The following AFF1 variants were observed in gnomAD, a reference collection of about 807,000 sequenced individuals.
AFF1 encodes ALF transcription elongation factor 1.
Under a neutral mutation model 121.7 loss-of-function variants are expected in AFF1, and 48 were observed. That is an observed-to-expected ratio of 0.39 (90% CI 0.31 to 0.50). The LOEUF is 0.50. AFF1 is among the 20% of genes least tolerant of loss of function. The pLI is 0.76. For missense variants in AFF1, 1,523 were observed against 1,511.7 expected (o/e 1.01, Z -0.12); for synonymous variants, 613 against 563.0 (o/e 1.09, Z -1.26).
intron 2 of AFF1, among the ~76,000 whole-genome samples, chr4:87,037,658 A>G (rs539875909): frequency 2.4e-4 from 37 of 152,050 alleles, no homozygotes; most frequent in Non-Finnish European, 4.0e-4. Context: ...GACCTTTGCT[A>G]CATATTAATA....
chr4:87,023,027 C>T (rs766962928), intron 2 of AFF1, among the ~76,000 whole-genome samples: 1 of 151,610 alleles, frequency 6.6e-6, no homozygotes, highest in African/African-American at 2.4e-5. Flanking sequence ...CTCACCCTCC[C>T]GAGTAGCTGG....
chr4:87,016,559 A>T (rs2149548456), intron 2 of AFF1, among the ~76,000 whole-genome samples: 1 of 152,224 alleles, frequency 6.6e-6, no homozygotes, highest in East Asian at 1.9e-4. Context: ...CTCAAAAAAA[A>T]AAAAAAAGTG....
intron 4 of AFF1, among the ~76,000 whole-genome samples, chr4:87,052,624 CT>C (rs1004123230): frequency 5.3e-4 from 77 of 145,878 alleles, no homozygotes; most frequent in South Asian, 2.4e-3. Flanking sequence ...GACATATCTA[CT>C]TTTTTTTTTT....
chr4:87,135,896 G>A lies in AFF1; in HGVS notation c.*195G>A. On this transcript the variant is annotated 3_prime_UTR_variant, in exon 21 of 21. Coordinates refer to ENST00000395146, the MANE Select transcript of AFF1 (RefSeq NM_001166693.3). ...TGGACACTGTGGTTATGCAGAAGCA[G>A]AGATGAGGAGGCTGGCCCCAGAGAT... The A allele has an allele frequency of 1.2e-6, 1 of 853,974 alleles. No homozygotes were observed. Among genetic ancestry groups the A allele is most frequent in the Non-Finnish European group, 1.6e-6 (1 of 615,066 alleles). The allele number at this position is 853,974 out of a possible 1,614,324, so 52.9% of individuals were successfully genotyped here.
chr4:87,077,959 A>G (rs901079279), intron 4 of AFF1, among the ~76,000 whole-genome samples: 6 of 152,182 alleles, frequency 3.9e-5, no homozygotes, highest in Non-Finnish European at 8.8e-5. Context: ...AACTTTGTAC[A>G]TATTTTTTTT....
At chr4:86,966,976 A>G (rs1578863021) in intron 2 of AFF1, among the ~76,000 whole-genome samples, 1 of 152,066 alleles carries the variant, frequency 6.6e-6, no homozygotes, top group South Asian at 2.1e-4. Flanking sequence ...CCTTCTACCA[A>G]CCTTGGTGCC....
chr4:86,994,307 C>A (rs1389472066), intron 2 of AFF1, among the ~76,000 whole-genome samples: 1 of 152,222 alleles, frequency 6.6e-6, no homozygotes, highest in Non-Finnish European at 1.5e-5. Context: ...TCCAGGAAGG[C>A]CCAGAGCGGA....
In AFF1 at chr4:86,985,207, AT is replaced by A. The variant is rs1560518374; in HGVS notation, c.38+36637del. Among the ~76,000 whole-genome samples the A allele has an allele frequency of 9.6e-3, 1,297 of 135,694 alleles. 24 individuals are homozygous for A. The highest frequency in any genetic ancestry group is 0.015 in the Non-Finnish European group (946 of 64,132). The allele number at this position is 135,694 out of a possible 152,430, so 89.0% of individuals were successfully genotyped here. A position where few individuals can be genotyped will look rare whatever the true frequency, so the allele number is the denominator to read the frequency against. Reference sequence around the variant, plus strand: ...TATATATATATATATATATATATATATATATATAAAATTATATTTTAGGCCG... The same window carrying A: ...TATATATATATATATATATATATATAATATATAAAATTATATTTTAGGCCG... On this transcript the variant is annotated intron_variant, in intron 2 of 20. Coordinates refer to ENST00000395146, the MANE Select transcript of AFF1 (RefSeq NM_001166693.3).
chr4:86,958,722 AT>A (rs1442742229), intron 2 of AFF1, among the ~76,000 whole-genome samples: 35 of 152,226 alleles, frequency 2.3e-4, no homozygotes, highest in African/African-American at 7.5e-4. Flanking sequence ...TCTCAAAAAA[AT>A]AAAATAAAAT....
intron 12 of AFF1, among the ~76,000 whole-genome samples, chr4:87,120,380 G>A (rs1421605607): frequency 6.6e-6 from 1 of 152,192 alleles, no homozygotes; most frequent in Non-Finnish European, 1.5e-5. Context: ...CTTCCTTTTG[G>A]AAGAGGATAA....
At chr4:87,109,553 G>A (rs1435398446) in intron 11 of AFF1, among the ~76,000 whole-genome samples, 1 of 152,278 alleles carries the variant, frequency 6.6e-6, no homozygotes, top group East Asian at 1.9e-4. Context: ...CAGGGAAAAG[G>A]ATACTGAATA....
At position 86,949,903 on chromosome 4, in the gene AFF1, G is replaced by A. The variant is rs183548965; in HGVS notation, c.38+1332G>A. ...GCCACGTGAAGGGGTTCTTGGTGGG[G>A]TATGGGATCTTCCGCGTCTTGGACC... On this transcript the variant is annotated intron_variant, in intron 2 of 20. Transcript: ENST00000395146. 1.6e-3 allele frequency: 2,549 copies of A among 1,614,134 alleles called. 38 individuals carry two copies. In the African/African-American group the frequency reaches 0.03, roughly 19 times the overall value.
intron 2 of AFF1, among the ~76,000 whole-genome samples, chr4:86,982,777 G>A (rs1276329442): frequency 2.0e-5 from 3 of 149,180 alleles, no homozygotes; most frequent in Non-Finnish European, 4.4e-5. Context: ...GAACCCAGGA[G>A]GCGGAGGTTG....
At chr4:86,955,479 T>A (rs768311139) in intron 2 of AFF1, among the ~76,000 whole-genome samples, 1 of 152,224 alleles carries the variant, frequency 6.6e-6, no homozygotes, top group African/African-American at 2.4e-5. Context: ...CTTACTCTTT[T>A]GTATCAACTG....
intron 2 of AFF1, among the ~76,000 whole-genome samples, chr4:87,038,804 A>T (rs986661645): frequency 2.0e-5 from 3 of 152,216 alleles, no homozygotes; most frequent in African/African-American, 7.2e-5. Flanking sequence ...TTCCTGCCAG[A>T]TGTCTCCATC....
intron 3 of AFF1, 39 bp from the exon 4 acceptor site, chr4:87,046,656 T>C: frequency 6.4e-7 from 1 of 1,565,632 alleles, no homozygotes; most frequent in Non-Finnish European, 8.6e-7. Flanking sequence ...GTAGTTTTCC[T>C]TAGTTTTTTT....
At chr4:87,046,413 C>G (rs1209270893) in intron 3 of AFF1, 127 bp downstream of exon 3, 1 of 1,325,422 alleles carries the variant, frequency 7.5e-7, no homozygotes, top group Non-Finnish European at 1.0e-6. Context: ...CTTATTCTAA[C>G]TTATTCTAGA....
rs1167343378 is a variant in AFF1 at position 87,065,930 on chromosome 4, TATG to T, written c.1060-18184_1060-18182del. Among the ~76,000 whole-genome samples the T allele has an allele frequency of 1.2e-4, 19 of 152,224 alleles. 1 individual carries two copies. The highest frequency in any genetic ancestry group is 2.1e-4 in the South Asian group (1 of 4,832). On this transcript the variant is annotated intron_variant, in intron 4 of 20. Coordinates refer to ENST00000395146, the MANE Select transcript of AFF1 (RefSeq NM_001166693.3). ...TGAGGAATAGTTTTTAGAAGGCTTT[TATG>T]ATGATAACTTTTAAATTTATTTTTA... is the stretch of plus-strand genomic sequence containing the variant.
intron 4 of AFF1, among the ~76,000 whole-genome samples, chr4:87,072,486 T>C (rs1414169553): frequency 3.9e-5 from 6 of 151,934 alleles, no homozygotes; most frequent in Non-Finnish European, 8.8e-5. Flanking sequence ...AACTTTTATA[T>C]ATCTAGTCTG....
Sources: gnomAD v4.1 joint callset for allele counts (sites outside exome capture counted in the v4.1 genomes callset) on GRCh38, gnomAD v4.1.1 for gene constraint, MANE v1.5 for transcripts, NCBI Gene and HGNC (gene_info 2026-07-23, HGNC 2026-07-21) for gene names.